The following SLAMF7 variants were observed in gnomAD, a reference collection of about 807,000 sequenced individuals.
SLAMF7 encodes the protein 19A24 protein.
Under a neutral mutation model 34.1 loss-of-function variants are expected in SLAMF7, and 26 were observed. The ratio of observed to expected loss-of-function variants is 0.76; its 90% confidence interval spans 0.56 to 1.06. The LOEUF is 1.06. SLAMF7 is among the 50% of genes least tolerant of loss of function. SLAMF7 has a pLI of 0.00. For missense variants in SLAMF7, 399 were observed against 402.5 expected (o/e 0.99, Z 0.07); for synonymous variants, 171 against 156.4 (o/e 1.09, Z -0.70).
Position 160,753,327 on chromosome 1 carries a change from T to C in SLAMF7, c.*150T>C. On this transcript the variant is annotated 3_prime_UTR_variant, in exon 7 of 7. Transcript: ENST00000368043. ...TTCCAGGATAAATTATCTCTGATGC[T>C]TCTTTAGATTTAAGAGTTCATAATT... The C allele has an allele frequency of 1.5e-6, 1 of 664,718 alleles. No individual in the cohort carries two copies. The highest frequency in any genetic ancestry group is 2.7e-5 in the East Asian group (1 of 36,686). The allele number at this position is 664,718 out of a possible 1,614,324, so 41.2% of individuals were successfully genotyped here.
intron 5 of SLAMF7, 76 bp downstream of exon 5, chr1:160,751,524 G>T: frequency 1.7e-6 from 2 of 1,161,388 alleles, no homozygotes; most frequent in Non-Finnish European, 2.6e-6. Context: ...CCATGGGTTT[G>T]GACAACATGG....
In SLAMF7 at chr1:160,739,310, T is replaced by C; in HGVS notation, c.9T>C (p.Gly3=). The C allele has an allele frequency of 6.2e-7, 1 of 1,610,574 alleles. No individual in the cohort carries two copies. Among genetic ancestry groups the C allele is most frequent in the Non-Finnish European group, 8.5e-7 (1 of 1,178,964 alleles). The change falls in exon 1 of 7, where the codon GGT becomes GGC. Residue 3 remains glycine, a synonymous_variant. Coordinates refer to ENST00000368043, the MANE Select transcript of SLAMF7 (RefSeq NM_021181.5). ...GACTTCCAGAGAGCAATATGGCTGG[T>C]TCCCCAACATGCCTCACCCTCATCT... MA[G]SPTCLTLIYI... is the part of the protein sequence containing the mutation.
rs79375989 is a variant in SLAMF7 at position 160,753,395 on chromosome 1, T to C, written c.*218T>C. 6,629 of 551,530 alleles carry C rather than the reference T, an allele frequency of 0.012. 158 individuals carry two copies. The highest frequency in any genetic ancestry group is 0.053 in the East Asian group (1,832 of 34,326). The allele number at this position is 551,530 out of a possible 1,614,324, so 34.2% of individuals were successfully genotyped here. A position where few individuals can be genotyped will look rare whatever the true frequency, so the allele number is the denominator to read the frequency against. ...ATCTCCTCAAACCCAGAAGGTTTAATCACTTCATCCCAAAAATGGGATTGT... is the reference window on the plus strand; with the variant it reads ...ATCTCCTCAAACCCAGAAGGTTTAACCACTTCATCCCAAAAATGGGATTGT... On this transcript the variant is annotated 3_prime_UTR_variant, in exon 7 of 7. Transcript: ENST00000368043.
At position 160,749,995 on chromosome 1, in the gene SLAMF7, G is replaced by A. The variant is rs780456113; in HGVS notation, c.551G>A (p.Trp184Ter). ...AATGGGTCCATCCTCCCCATCTCCT[G>A]GAGATGGGGAGAAAGTGATATGACC... ...SHNGSILPIS[W>*]RWGESDMTFI... Residue 184 changes from tryptophan (W) to a stop codon, truncating the protein, a stop_gained, in exon 3 of 7, where the codon TGG becomes TAG. Coordinates refer to ENST00000368043, the MANE Select transcript of SLAMF7 (RefSeq NM_021181.5). LOFTEE classifies it high-confidence loss of function. 23 of 1,614,004 alleles carry A rather than the reference G, an allele frequency of 1.4e-5. No individual in the cohort carries two copies. The highest frequency in any genetic ancestry group is 2.2e-5 in the East Asian group (1 of 44,900).
At position 160,750,348 on chromosome 1, in the gene SLAMF7, C is replaced by A. The variant is rs1664471300; in HGVS notation, c.694C>A (p.Leu232Met). The A allele has an allele frequency of 6.2e-7, 1 of 1,614,106 alleles. No homozygotes were observed. Among genetic ancestry groups the A allele is most frequent in the Non-Finnish European group, 8.5e-7 (1 of 1,179,964 alleles). The change falls in exon 4 of 7, where the codon CTG (leucine) becomes ATG (methionine). Residue 232 changes from leucine (L) to methionine (M), a missense_variant. Transcript: ENST00000368043. ...TTCCTCCATGGTCCTCCTGTGTCTC[C>A]TGTTGGTGCCCCTCCTGCTCAGTCT... is the stretch of plus-strand genomic sequence containing the variant. ...PDSSMVLLCL[L>M]LVPLLLSLFV...
At chr1:160,741,565 T>C (rs1022688658) in intron 1 of SLAMF7, among the ~76,000 whole-genome samples, 2 of 151,900 alleles carry the variant, frequency 1.3e-5, no homozygotes, top group African/African-American at 4.8e-5. Flanking sequence ...TTTTTTGCCT[T>C]TTTTTTTAAA....
chr1:160,743,553 C>T (rs563029005), intron 1 of SLAMF7, among the ~76,000 whole-genome samples: 52 of 152,320 alleles, frequency 3.4e-4, no homozygotes, highest in African/African-American at 8.9e-4. Context: ...TTGGCTTGTA[C>T]GGAATGAGGA....
At chr1:160,750,505 T>C in intron 4 of SLAMF7, 82 bp downstream of exon 4, 1 of 1,515,784 alleles carries the variant, frequency 6.6e-7, no homozygotes, top group East Asian at 2.3e-5. Context: ...TAGAGCTGTG[T>C]GCCAGACTTG....
Position 160,739,325 on chromosome 1 carries a change from C to T in SLAMF7, c.24C>T (p.Leu8=). 3 of 1,613,936 alleles carry T rather than the reference C, an allele frequency of 1.9e-6. No homozygotes were observed. Among genetic ancestry groups the T allele is most frequent in the Middle Eastern group, 1.7e-4 (1 of 6,054 alleles). MAGSPTC[L]TLIYILWQLT... is the part of the protein sequence containing the mutation. The stretch of plus-strand genomic sequence containing the variant: ...ATATGGCTGGTTCCCCAACATGCCT[C>T]ACCCTCATCTATATCCTTTGGCAGC... Residue 8 remains leucine (L), a synonymous_variant, in exon 1 of 7, where the codon CTC becomes CTT. Transcript: ENST00000368043.
At chr1:160,750,149 A>G in intron 3 of SLAMF7, 56 bp downstream of exon 3, 2 of 1,589,702 alleles carry the variant, frequency 1.3e-6, no homozygotes, top group Non-Finnish European at 1.7e-6. Flanking sequence ...CACCTTCTTC[A>G]GCTCCTAGCC....
At chr1:160,750,453 C>A in intron 4 of SLAMF7, 30 bp downstream of exon 4, 1 of 1,606,240 alleles carries the variant, frequency 6.2e-7, no homozygotes. Context: ...TGTCCTCACC[C>A]ACATTCATGT....
intron 1 of SLAMF7, among the ~76,000 whole-genome samples, chr1:160,745,491 C>A (rs1331324818): frequency 6.6e-6 from 1 of 152,128 alleles, no homozygotes; most frequent in African/African-American, 2.4e-5. Flanking sequence ...TAGCTTTGTG[C>A]CCTTGGATAA....
intron 1 of SLAMF7, among the ~76,000 whole-genome samples, chr1:160,747,917 A>G (rs1444863847): frequency 1.3e-5 from 2 of 152,146 alleles, no homozygotes; most frequent in Non-Finnish European, 2.9e-5. Context: ...TTCACCTACA[A>G]CCACATAATC....
At chr1:160,746,734 AT>A (rs1323328322) in intron 1 of SLAMF7, among the ~76,000 whole-genome samples, 1 of 152,178 alleles carries the variant, frequency 6.6e-6, no homozygotes, top group Non-Finnish European at 1.5e-5. Flanking sequence ...GCCCATAAGG[AT>A]GAGACAGCAA....
Position 160,749,958 on chromosome 1 carries a change from A to C in SLAMF7, c.514A>C (p.Asn172His). The C allele has an allele frequency of 6.2e-7, 1 of 1,614,152 alleles. No individual in the cohort carries two copies. The highest frequency in any genetic ancestry group is 8.5e-7 in the Non-Finnish European group (1 of 1,179,982). ...CTGGAAGGCCCTGGGGCAAGCAGCC[A>C]ATGAGTCCCATAATGGGTCCATCCT... ...YTWKALGQAANESHNGSILPI... is the reference protein window; with the variant it reads ...YTWKALGQAAHESHNGSILPI... The change falls in exon 3 of 7, where the codon AAT (asparagine) becomes CAT (histidine). Residue 172 changes from asparagine (N) to histidine (H), a missense_variant. Coordinates refer to ENST00000368043, the MANE Select transcript of SLAMF7 (RefSeq NM_021181.5).
intron 1 of SLAMF7, among the ~76,000 whole-genome samples, chr1:160,744,662 T>A (rs1664000069): frequency 6.6e-6 from 1 of 152,222 alleles, no homozygotes; most frequent in Non-Finnish European, 1.5e-5. Context: ...TTTGTAGTTT[T>A]GCCACTTCCT....
intron 1 of SLAMF7, among the ~76,000 whole-genome samples, chr1:160,744,573 A>G (rs1481029826): frequency 2.0e-5 from 3 of 152,244 alleles, no homozygotes; most frequent in Non-Finnish European, 4.4e-5. Flanking sequence ...CTGAGAATAC[A>G]GCACTACGTG....
Position 160,748,260 on chromosome 1 carries a change from T to A in SLAMF7, c.122T>A (p.Leu41Gln). ...GSVGGAVTFP[L>Q]KSKVKQVDSI... is the part of the protein sequence containing the mutation. ...GTTGGTGGGGCCGTGACTTTCCCCCTGAAGTCCAAAGTAAAGCAAGTTGAC... is the reference window on the plus strand; with the variant it reads ...GTTGGTGGGGCCGTGACTTTCCCCCAGAAGTCCAAAGTAAAGCAAGTTGAC... Residue 41 changes from leucine to glutamine, a missense_variant, in exon 2 of 7, where the codon CTG (leucine) becomes CAG (glutamine). Transcript: ENST00000368043. 6.2e-7 allele frequency: 1 copy of A among 1,614,050 alleles called. No individual in the cohort carries two copies. Among genetic ancestry groups the A allele is most frequent in the Non-Finnish European group, 8.5e-7 (1 of 1,179,950 alleles).
At chr1:160,746,987 G>C (rs116906690) in intron 1 of SLAMF7, among the ~76,000 whole-genome samples, 1 of 152,204 alleles carries the variant, frequency 6.6e-6, no homozygotes, top group South Asian at 2.1e-4. Context: ...ATCAAAATCC[G>C]CATGCTCTCT....
Sources: gnomAD v4.1 joint callset for allele counts (sites outside exome capture counted in the v4.1 genomes callset) on GRCh38, gnomAD v4.1.1 for gene constraint, MANE v1.5 for transcripts, NCBI Gene and HGNC (gene_info 2026-07-23, HGNC 2026-07-21) for gene names.